The following NALF1 variants were observed in gnomAD, a reference collection of about 807,000 sequenced individuals.
The protein encoded by NALF1 is family with sequence similarity 155 member A.
Under a neutral mutation model 48.4 loss-of-function variants are expected in NALF1, and 3 were observed. The observed-to-expected ratio is 0.06, with a 90% CI of 0.03 to 0.16. NALF1 has a LOEUF of 0.16. Among genes scored for constraint, NALF1 ranks in the 10% least tolerant of loss-of-function variants. The pLI, the probability that NALF1 is intolerant of heterozygous loss-of-function variation, is 1.00. For missense variants in NALF1, 526 were observed against 571.5 expected (o/e 0.92, Z 0.81); for synonymous variants, 262 against 245.7 (o/e 1.07, Z -0.62).
At chr13:107,237,780 T>A (rs891601765) in intron 1 of NALF1, among the ~76,000 whole-genome samples, 22 of 152,286 alleles carry the variant, frequency 1.4e-4, no homozygotes, top group African/African-American at 4.8e-4. Flanking sequence ...CATTAATATA[T>A]AATAATCCAC....
chr13:107,752,975 A>T (rs1479139614), intron 1 of NALF1, among the ~76,000 whole-genome samples: 4 of 152,206 alleles, frequency 2.6e-5, no homozygotes, highest in African/African-American at 9.7e-5. Flanking sequence ...TGTGTTACCA[A>T]CTTTGTTGTT....
At chr13:107,519,353 T>G (rs1876162305) in intron 1 of NALF1, among the ~76,000 whole-genome samples, 1 of 121,542 alleles carries the variant, frequency 8.2e-6, no homozygotes, top group Admixed American at 8.5e-5. Flanking sequence ...TATCAGAGGA[T>G]CCGGGAGGAG....
intron 1 of NALF1, among the ~76,000 whole-genome samples, chr13:107,762,911 G>A (rs1250619923): frequency 1.3e-5 from 2 of 152,140 alleles, no homozygotes; most frequent in Non-Finnish European, 2.9e-5. Flanking sequence ...TCTGGCAAGT[G>A]ATGAGAAATA....
At chr13:107,665,727 A>T (rs2138481162) in intron 1 of NALF1, among the ~76,000 whole-genome samples, 1 of 152,270 alleles carries the variant, frequency 6.6e-6, no homozygotes, top group African/African-American at 2.4e-5. Context: ...GAAATAAAAG[A>T]AAAATATACA....
chr13:107,268,042 A>T (rs1270021598), intron 1 of NALF1, among the ~76,000 whole-genome samples: 1 of 132,116 alleles, frequency 7.6e-6, no homozygotes, highest in Non-Finnish European at 1.5e-5. Context: ...GCTGGAGAGT[A>T]GTGGCGCGAT....
At chr13:107,209,794 GGAC>G (rs1245807205) in intron 2 of NALF1, among the ~76,000 whole-genome samples, 1 of 151,968 alleles carries the variant, frequency 6.6e-6, no homozygotes, top group Non-Finnish European at 1.5e-5. Flanking sequence ...GTAATTCCAG[GGAC>G]GCCTTATAGC....
intron 1 of NALF1, among the ~76,000 whole-genome samples, chr13:107,532,603 T>G (rs938513425): frequency 7.9e-5 from 12 of 152,114 alleles, no homozygotes; most frequent in Non-Finnish European, 1.6e-4. Flanking sequence ...TTAATCAAAT[T>G]ATATTACATG....
chr13:107,514,142 A>C (rs1240329645), intron 1 of NALF1, among the ~76,000 whole-genome samples: 1 of 152,204 alleles, frequency 6.6e-6, no homozygotes, highest in Non-Finnish European at 1.5e-5. Flanking sequence ...CTGGAATTCA[A>C]AGACATCTTT....
intron 1 of NALF1, among the ~76,000 whole-genome samples, chr13:107,662,399 T>C (rs539769544): frequency 6.6e-6 from 1 of 152,348 alleles, no homozygotes; most frequent in African/African-American, 2.4e-5. Flanking sequence ...AGCTTCCACA[T>C]TTTATTTAGC....
At chr13:107,315,169 G>T (rs925304180) in intron 1 of NALF1, among the ~76,000 whole-genome samples, 1 of 151,882 alleles carries the variant, frequency 6.6e-6, no homozygotes. Context: ...ATAAAAAAGC[G>T]AAAGAATTAA....
chr13:107,331,098 A>T lies in NALF1; in HGVS notation c.916-120343T>A, dbSNP rs139721103. On this transcript the variant is annotated intron_variant, in intron 1 of 2. Coordinates refer to ENST00000375915, the MANE Select transcript of NALF1 (RefSeq NM_001080396.3). ...AATACTATTAGTAACAGTTTTAAAT[A>T]TTCACTTTTTCTAAAATTGTTTATA... Among the ~76,000 whole-genome samples the T allele has an allele frequency of 2.1e-3, 321 of 152,336 alleles. 2 individuals are homozygous for T. The highest frequency in any genetic ancestry group is 7.4e-3 in the African/African-American group (307 of 41,576).
intron 1 of NALF1, among the ~76,000 whole-genome samples, chr13:107,864,656 T>C (rs1880661958): frequency 6.6e-6 from 1 of 152,202 alleles, no homozygotes; most frequent in Admixed American, 6.5e-5. Flanking sequence ...AGAGATACTG[T>C]CATTACATCT....
In NALF1 at chr13:107,417,705, G is replaced by T. The variant is rs535125543; in HGVS notation, c.916-206950C>A. On this transcript the variant is annotated intron_variant, in intron 1 of 2. Coordinates refer to ENST00000375915, the MANE Select transcript of NALF1 (RefSeq NM_001080396.3). ...TCGTAATATCACCAATGTATTAAAT[G>T]GAAGGATTTTTAAGAATTCAAATAT... 7.2e-5 allele frequency among the ~76,000 whole-genome samples: 11 copies of T among 152,224 alleles called. No homozygotes were observed. The East Asian group carries it at 1.9e-3, about 27-fold the overall frequency.
intron 1 of NALF1, among the ~76,000 whole-genome samples, chr13:107,581,975 T>G (rs12871874): frequency 6.6e-6 from 1 of 152,196 alleles, no homozygotes; most frequent in Non-Finnish European, 1.5e-5. Flanking sequence ...ACTTTTCATG[T>G]GACTCATTTA....
intron 1 of NALF1, among the ~76,000 whole-genome samples, chr13:107,517,004 T>C (rs968269604): frequency 6.6e-6 from 1 of 152,320 alleles, no homozygotes; most frequent in South Asian, 2.1e-4. Context: ...TGCCAGGCTA[T>C]AGTTGGAAAT....
At chr13:107,566,899 T>A (rs1211984948) in intron 1 of NALF1, among the ~76,000 whole-genome samples, 2 of 152,174 alleles carry the variant, frequency 1.3e-5, no homozygotes, top group Non-Finnish European at 2.9e-5. Flanking sequence ...AACACGGATA[T>A]ATTAGTACAT....
At chr13:107,487,962 C>G (rs1367736340) in intron 1 of NALF1, among the ~76,000 whole-genome samples, 2 of 151,658 alleles carry the variant, frequency 1.3e-5, no homozygotes, top group Non-Finnish European at 2.9e-5. Flanking sequence ...CATTATTGGT[C>G]TGTCCAGGGT....
At chr13:107,803,629 T>C (rs1878687107) in intron 1 of NALF1, among the ~76,000 whole-genome samples, 1 of 152,212 alleles carries the variant, frequency 6.6e-6, no homozygotes, top group Admixed American at 6.5e-5. Flanking sequence ...GGCTGAACTC[T>C]TTGAGCTAAA....
chr13:107,341,764 G>T (rs1324670), intron 1 of NALF1, among the ~76,000 whole-genome samples: 24,672 of 151,064 alleles, frequency 0.16, 2,286 homozygotes, highest in East Asian at 0.36. Flanking sequence ...TCTATAATGT[G>T]TGTGTGTGTA....
Sources: gnomAD v4.1 joint callset for allele counts (sites outside exome capture counted in the v4.1 genomes callset) on GRCh38, gnomAD v4.1.1 for gene constraint, MANE v1.5 for transcripts, NCBI Gene and HGNC (gene_info 2026-07-23, HGNC 2026-07-21) for gene names.